PREP: variants seen among roughly 807,000 people sequenced by gnomAD.
PREP encodes prolyl endopeptidase.
Under a neutral mutation model 87.6 loss-of-function variants are expected in PREP, and 29 were observed. That is an observed-to-expected ratio of 0.33 (90% confidence interval 0.25 to 0.45). PREP has a LOEUF of 0.45. Among genes scored for constraint, PREP ranks in the 20% least tolerant of loss-of-function variants. The pLI is 1.00. For synonymous variants in PREP, 337 were observed against 328.6 expected (o/e 1.03, Z -0.28); for missense variants, 695 against 886.5 (o/e 0.78, Z 2.74).
At chr6:105,335,383 A>G (rs1771452021) in intron 7 of PREP, among the ~76,000 whole-genome samples, 1 of 152,230 alleles carries the variant, frequency 6.6e-6, no homozygotes, top group Non-Finnish European at 1.5e-5. Flanking sequence ...GCAATTTTAC[A>G]TTCATTATCT....
At chr6:105,402,671 C>G (rs1032759926) in intron 1 of PREP, among the ~76,000 whole-genome samples, 176 bp downstream of exon 1, 3 of 152,164 alleles carry the variant, frequency 2.0e-5, no homozygotes, top group African/African-American at 7.2e-5. Context: ...CCGCGGGACC[C>G]CAGCGCTGCA....
intron 10 of PREP, chr6:105,323,042 C>T (rs1041435045): frequency 6.9e-6 from 9 of 1,303,884 alleles, no homozygotes; most frequent in Non-Finnish European, 9.1e-6. Context: ...TGCAAAGGAA[C>T]AGAGACATTC....
chr6:105,333,709 C>T (rs4454168), intron 7 of PREP, among the ~76,000 whole-genome samples: 11 of 151,822 alleles, frequency 7.2e-5, no homozygotes, highest in Admixed American at 4.6e-4. Flanking sequence ...CCAGCAAGGA[C>T]GGGGGAATGA....
intron 8 of PREP, 35 bp downstream of exon 8, chr6:105,333,279 C>G: frequency 6.3e-7 from 1 of 1,581,652 alleles, no homozygotes; most frequent in African/African-American, 1.3e-5. Context: ...TCATCAAAAA[C>G]AAGAGCACAA....
intron 9 of PREP, among the ~76,000 whole-genome samples, chr6:105,324,231 G>T (rs535847095): frequency 4.0e-4 from 61 of 152,190 alleles, no homozygotes; most frequent in African/African-American, 1.3e-3. Flanking sequence ...GCCAGTCAGG[G>T]GTCTCTTGAC....
At chr6:105,335,652 G>A (rs947273261) in intron 7 of PREP, among the ~76,000 whole-genome samples, 1 of 152,162 alleles carries the variant, frequency 6.6e-6, no homozygotes, top group Non-Finnish European at 1.5e-5. Context: ...AGCATTTTGG[G>A]AGGACAAAGC....
chr6:105,400,419 G>C (rs1450053646), intron 1 of PREP, among the ~76,000 whole-genome samples: 1 of 152,114 alleles, frequency 6.6e-6, no homozygotes, highest in African/African-American at 2.4e-5. Flanking sequence ...TCTGTTGATG[G>C]TCTGGTCAGA....
intron 10 of PREP, among the ~76,000 whole-genome samples, chr6:105,296,231 T>C (rs1446745379): frequency 6.6e-6 from 1 of 152,248 alleles, no homozygotes; most frequent in Non-Finnish European, 1.5e-5. Context: ...AACATTTTCA[T>C]AGTCATGTTA....
intron 10 of PREP, among the ~76,000 whole-genome samples, chr6:105,294,535 C>T (rs1770367384): frequency 6.6e-6 from 1 of 152,240 alleles, no homozygotes; most frequent in Admixed American, 6.5e-5. Flanking sequence ...TTAGTTTCCA[C>T]CCTACCCTAG....
intron 6 of PREP, among the ~76,000 whole-genome samples, chr6:105,358,722 C>T (rs578237671): frequency 1.3e-5 from 2 of 152,308 alleles, no homozygotes; most frequent in South Asian, 4.1e-4. Flanking sequence ...GCCTTGGCTA[C>T]TCTTTCTTGG....
At chr6:105,343,930 A>G (rs541651857) in intron 7 of PREP, among the ~76,000 whole-genome samples, 4 of 152,348 alleles carry the variant, frequency 2.6e-5, no homozygotes, top group African/African-American at 9.6e-5. Flanking sequence ...GTGGGACTGT[A>G]AACTAGTTCA....
chr6:105,330,588 C>T (rs1771301813), intron 8 of PREP, among the ~76,000 whole-genome samples: 1 of 152,024 alleles, frequency 6.6e-6, no homozygotes, highest in Non-Finnish European at 1.5e-5. Context: ...GAGGGAGAGA[C>T]ACCGCAGCAA....
At chr6:105,343,963 C>T (rs1401355855) in intron 7 of PREP, among the ~76,000 whole-genome samples, 22 of 152,170 alleles carry the variant, frequency 1.4e-4, no homozygotes, top group Non-Finnish European at 2.5e-4. Context: ...GACAGTGTGG[C>T]GATTCCTCAA....
chr6:105,382,339 G>A (rs572960352), intron 2 of PREP, among the ~76,000 whole-genome samples: 8 of 148,648 alleles, frequency 5.4e-5, no homozygotes, highest in African/African-American at 2.0e-4. Flanking sequence ...TTACACATAT[G>A]TTAAATAGCT....
chr6:105,330,277 G>A (rs1771291234), intron 8 of PREP, among the ~76,000 whole-genome samples: 1 of 152,194 alleles, frequency 6.6e-6, no homozygotes, highest in Non-Finnish European at 1.5e-5. Context: ...AGTCTACGGA[G>A]GGGAGAAGAG....
intron 2 of PREP, among the ~76,000 whole-genome samples, chr6:105,378,698 A>G (rs1772757496): frequency 6.6e-6 from 1 of 152,278 alleles, no homozygotes; most frequent in Admixed American, 6.5e-5. Context: ...GCTATTAGCA[A>G]GAAATGAAAC....
In PREP at chr6:105,349,960, C is replaced by T. The variant is rs138032416; in HGVS notation, c.823+3012G>A. ...CTAGGAGTTAGTCATGGTCATCAACCGGGCATACAGACCCCTGAATTTTCA... is the reference window on the plus strand; with the variant it reads ...CTAGGAGTTAGTCATGGTCATCAACTGGGCATACAGACCCCTGAATTTTCA... On this transcript the variant is annotated intron_variant, in intron 7 of 14. Transcript: ENST00000652536. Among the ~76,000 whole-genome samples the T allele has an allele frequency of 3.2e-3, 470 of 148,172 alleles. 1 individual carries two copies. The highest frequency in any genetic ancestry group is 9.8e-3 in the African/African-American group (393 of 39,930).
intron 6 of PREP, among the ~76,000 whole-genome samples, chr6:105,364,360 C>T (rs1258065828): frequency 6.6e-6 from 1 of 152,132 alleles, no homozygotes; most frequent in Non-Finnish European, 1.5e-5. Flanking sequence ...CTGAGATCTG[C>T]CTGATCAAGG....
intron 10 of PREP, among the ~76,000 whole-genome samples, chr6:105,306,262 G>A (rs1770655801): frequency 6.6e-6 from 1 of 152,180 alleles, no homozygotes; most frequent in African/African-American, 2.4e-5. Context: ...ATGATAGACG[G>A]CATTCAGGAT....
Sources: gnomAD v4.1 joint callset for allele counts (sites outside exome capture counted in the v4.1 genomes callset) on GRCh38, gnomAD v4.1.1 for gene constraint, MANE v1.5 for transcripts, NCBI Gene and HGNC (gene_info 2026-07-23, HGNC 2026-07-21) for gene names.